OR2T6: variants seen among roughly 807,000 people sequenced by gnomAD.
OR2T6 encodes olfactory receptor family 2 subfamily T member 6.
For synonymous variants in OR2T6, 174 were observed against 148.0 expected (o/e 1.18, Z -1.27); for missense variants, 424 against 391.6 (o/e 1.08, Z -0.70).
intron 2 of OR2T6, among the ~76,000 whole-genome samples, chr1:248,386,643 C>A (rs1179390470): frequency 6.6e-6 from 1 of 152,218 alleles, no homozygotes; most frequent in East Asian, 1.9e-4. Context: ...TTTACCCCGG[C>A]CTGCATACCT....
At chr1:248,385,532 A>G (rs1273364431) in intron 2 of OR2T6, among the ~76,000 whole-genome samples, 1 of 152,192 alleles carries the variant, frequency 6.6e-6, no homozygotes, top group Non-Finnish European at 1.5e-5. Flanking sequence ...TTACGAGTCC[A>G]TATCTTTTGC....
chr1:248,377,844 C>G (rs955229867), intron 1 of OR2T6, among the ~76,000 whole-genome samples: 1 of 152,174 alleles, frequency 6.6e-6, no homozygotes, highest in Non-Finnish European at 1.5e-5. Context: ...CCTATCCCAA[C>G]CCAAAACTTT....
intron 2 of OR2T6, among the ~76,000 whole-genome samples, chr1:248,386,757 A>G (rs972737913): frequency 5.3e-5 from 8 of 152,102 alleles, no homozygotes; most frequent in Admixed American, 3.3e-4. Flanking sequence ...TGCTTTAGGG[A>G]TGTCACATTT....
intron 1 of OR2T6, among the ~76,000 whole-genome samples, chr1:248,380,827 A>G (rs1466442717): frequency 1.3e-5 from 2 of 151,410 alleles, no homozygotes; most frequent in African/African-American, 2.4e-5. Flanking sequence ...CTAACTGAAT[A>G]TATTAAGCAC....
chr1:248,388,133 T>A lies in OR2T6; in HGVS notation c.525T>A (p.Asn175Lys). The change falls in exon 3 of 3, where the codon AAT (asparagine) becomes AAA (lysine). Residue 175 changes from asparagine to lysine, a missense_variant. Physicochemically the swap from Asn to Lys is moderately conservative, Grantham distance 94. Coordinates refer to ENST00000641644, the MANE Select transcript of OR2T6 (RefSeq NM_001005471.2). ...CGTTCTGTGCCTCTCACCAAATCAA[T>A]CACTTTTTCTGTGAGGCACCCACCA... Reference protein sequence around the residue: ...SLPFCASHQINHFFCEAPTML... With the variant: ...SLPFCASHQIKHFFCEAPTML... 1.2e-6 allele frequency: 2 copies of A among 1,613,890 alleles called. No individual in the cohort carries two copies. Among genetic ancestry groups the A allele is most frequent in the Non-Finnish European group, 1.7e-6 (2 of 1,179,982 alleles).
rs375510274 is a variant in OR2T6 at position 248,387,629 on chromosome 1, C to T, written c.21C>T (p.Thr7=). The T allele has an allele frequency of 6.3e-7, 1 of 1,589,578 alleles. No homozygotes were observed. The highest frequency in any genetic ancestry group is 1.1e-5 in the South Asian group (1 of 89,142). The change falls in exon 3 of 3, where the codon ACC becomes ACT. Residue 7 remains threonine, a synonymous_variant. Coordinates refer to ENST00000641644, the MANE Select transcript of OR2T6 (RefSeq NM_001005471.2). ...GTACCATGAATGAAAACAATGAAAC[C>T]TTGACCAGAGGCTTTACCCTCATGG... MNENNE[T]LTRGFTLMGL...
In OR2T6 at chr1:248,388,453, C is replaced by A. The variant is rs1390415941; in HGVS notation, c.845C>A (p.Thr282Lys). 1.2e-6 allele frequency: 2 copies of A among 1,612,620 alleles called. No homozygotes were observed. The highest frequency in any genetic ancestry group is 8.5e-7 in the Non-Finnish European group (1 of 1,179,124). ...KVFSAFYTILTPLLNPLIYSL... is the reference protein window; with the variant it reads ...KVFSAFYTILKPLLNPLIYSL... ...TTCTCTGCCTTTTATACCATCCTCA[C>A]ACCCTTATTAAACCCTCTCATCTAC... is the stretch of plus-strand genomic sequence containing the variant. The change falls in exon 3 of 3, where the codon ACA (threonine) becomes AAA (lysine). Residue 282 changes from threonine to lysine, a missense_variant. By Grantham distance (78) the Thr-to-Lys change is moderately conservative. Coordinates refer to ENST00000641644, the MANE Select transcript of OR2T6 (RefSeq NM_001005471.2).
At chr1:248,378,497 A>C (rs187355919) in intron 1 of OR2T6, among the ~76,000 whole-genome samples, 68 of 152,262 alleles carry the variant, frequency 4.5e-4, no homozygotes, top group African/African-American at 1.6e-3. Flanking sequence ...TACCTTTCCC[A>C]GTTATCCGAA....
In OR2T6 at chr1:248,387,089, T is replaced by C. The variant is rs1157072255; in HGVS notation, c.-4-516T>C. On this transcript the variant is annotated intron_variant, in intron 2 of 2. Coordinates refer to ENST00000641644, the MANE Select transcript of OR2T6 (RefSeq NM_001005471.2). ...GAATGACCAATGATCAGGCAGATAA[T>C]GTAATCATGTTTATTACAGTTCAAC... 3.3e-5 allele frequency among the ~76,000 whole-genome samples: 5 copies of C among 152,364 alleles called. No homozygotes were observed. The East Asian group carries it at 9.6e-4, about 29-fold the overall frequency.
At chr1:248,376,618 T>C (rs1660941886) in intron 1 of OR2T6, among the ~76,000 whole-genome samples, 1 of 152,048 alleles carries the variant, frequency 6.6e-6, no homozygotes, top group Non-Finnish European at 1.5e-5. Context: ...ATCTATAAAA[T>C]ACCCACTCAT....
intron 1 of OR2T6, among the ~76,000 whole-genome samples, chr1:248,376,727 C>T (rs139734043): frequency 1.6e-4 from 25 of 152,028 alleles, no homozygotes; most frequent in Middle Eastern, 3.4e-3. Flanking sequence ...TATTTTGTGA[C>T]GGTGAGGTTT....
At chr1:248,386,216 C>G (rs1381877521) in intron 2 of OR2T6, among the ~76,000 whole-genome samples, 1 of 152,148 alleles carries the variant, frequency 6.6e-6, no homozygotes, top group Non-Finnish European at 1.5e-5. Flanking sequence ...AGTGTTAAAC[C>G]TGATGAGGAA....
At chr1:248,376,666 A>T (rs543476428) in intron 1 of OR2T6, among the ~76,000 whole-genome samples, 9 of 149,066 alleles carry the variant, frequency 6.0e-5, no homozygotes, top group East Asian at 5.8e-4. Context: ...AATTTTTTTC[A>T]ACTTTTATTT....
chr1:248,377,228 T>C (rs1660951786), intron 1 of OR2T6, among the ~76,000 whole-genome samples: 1 of 152,234 alleles, frequency 6.6e-6, no homozygotes, highest in African/African-American at 2.4e-5. Context: ...TTTCCAAAGA[T>C]CAGTTTTATT....
At chr1:248,379,580 T>C (rs974814233) in intron 1 of OR2T6, among the ~76,000 whole-genome samples, 4 of 152,214 alleles carry the variant, frequency 2.6e-5, no homozygotes, top group African/African-American at 9.6e-5. Context: ...TGTGTTGTTA[T>C]TAATATACTT....
intron 1 of OR2T6, among the ~76,000 whole-genome samples, chr1:248,376,329 T>C (rs1212764184): frequency 6.6e-6 from 1 of 152,168 alleles, no homozygotes; most frequent in Non-Finnish European, 1.5e-5. Context: ...TTTAAGAAGA[T>C]TTGATTGAAG....
Position 248,388,956 on chromosome 1 carries a change from G to C in OR2T6, c.*421G>C, listed in dbSNP as rs1376222305. ...ATTGGCTTGTCAAAGATTTAGGGAT[G>C]CCAAGGTTTGAAAGACATATGAAAG... On this transcript the variant is annotated 3_prime_UTR_variant, in exon 3 of 3. Coordinates refer to ENST00000641644, the MANE Select transcript of OR2T6 (RefSeq NM_001005471.2). The C allele has an allele frequency of 2.9e-5, 5 of 173,170 alleles. No individual in the cohort carries two copies. The highest frequency in any genetic ancestry group is 1.2e-4 in the African/African-American group (5 of 42,320). 10.7% of individuals were successfully genotyped at this position (173,170 alleles called of 1,614,324 possible). A position where few individuals can be genotyped will look rare whatever the true frequency, so the allele number is the denominator to read the frequency against.
At chr1:248,380,130 AT>A (rs1661006554) in intron 1 of OR2T6, among the ~76,000 whole-genome samples, 2 of 151,958 alleles carry the variant, frequency 1.3e-5, no homozygotes, top group South Asian at 4.1e-4. Context: ...CATATTAAGA[AT>A]TTTGACTATA....
rs986098286 is a variant in OR2T6 at position 248,388,616 on chromosome 1, A to G, written c.*81A>G. 5 of 1,068,454 alleles carry G rather than the reference A, an allele frequency of 4.7e-6. No homozygotes were observed. Among genetic ancestry groups the G allele is most frequent in the South Asian group, 3.4e-5 (2 of 59,690 alleles). 66.2% of individuals were successfully genotyped at this position (1,068,454 alleles called of 1,614,324 possible). ...GTTCAGGCATATATGGGGTCGTATC[A>G]TGGATACCACGGATGATGCTGACAG... On this transcript the variant is annotated 3_prime_UTR_variant, in exon 3 of 3. Transcript: ENST00000641644.
Sources: gnomAD v4.1 joint callset for allele counts (sites outside exome capture counted in the v4.1 genomes callset) on GRCh38, gnomAD v4.1.1 for gene constraint, MANE v1.5 for transcripts, NCBI Gene and HGNC (gene_info 2026-07-23, HGNC 2026-07-21) for gene names.